Variants in RAB11FIP4 observed in about 807,000 individuals in gnomAD.
RAB11FIP4 encodes rab11 family-interacting protein 4.
Under a neutral mutation model 74.3 loss-of-function variants are expected in RAB11FIP4, and 23 were observed. The ratio of observed to expected loss-of-function variants is 0.31; its 90% CI spans 0.22 to 0.44. The LOEUF (loss-of-function observed/expected upper bound fraction) is 0.44, where lower values mean the gene tolerates loss of function less well. Among genes scored for constraint, RAB11FIP4 ranks in the 20% least tolerant of loss-of-function variants. The pLI, the probability that RAB11FIP4 is intolerant of heterozygous loss-of-function variation, is 1.00. For missense variants in RAB11FIP4, 630 were observed against 863.9 expected (o/e 0.73, Z 3.39); for synonymous variants, 360 against 359.9 (o/e 1.00, Z 0.00).
chr17:31,485,733 T>C (rs2071894264), intron 3 of RAB11FIP4, among the ~76,000 whole-genome samples: 1 of 152,088 alleles, frequency 6.6e-6, no homozygotes, highest in Non-Finnish European at 1.5e-5. Flanking sequence ...GAGGAGTGCC[T>C]AAAATTAAGT....
intron 3 of RAB11FIP4, among the ~76,000 whole-genome samples, chr17:31,461,252 G>C (rs1434185026): frequency 6.6e-6 from 1 of 152,032 alleles, no homozygotes; most frequent in African/African-American, 2.4e-5. Context: ...CACAAGCCTG[G>C]GCCTGGCCTT....
chr17:31,520,749 G>A (rs1387114070), intron 4 of RAB11FIP4, among the ~76,000 whole-genome samples: 1 of 152,096 alleles, frequency 6.6e-6, no homozygotes, highest in East Asian at 1.9e-4. Flanking sequence ...CCTCTGATCC[G>A]CCCGCCTCGG....
chr17:31,523,226 A>T, intron 7 of RAB11FIP4: 1 of 462,842 alleles, frequency 2.2e-6, no homozygotes, highest in African/African-American at 2.0e-5. Context: ...GGGTAGCTGC[A>T]GGCCAGCATG....
At chr17:31,407,083 G>A (rs937084248) in intron 1 of RAB11FIP4, among the ~76,000 whole-genome samples, 5 of 116,840 alleles carry the variant, frequency 4.3e-5, no homozygotes, top group Non-Finnish European at 4.9e-5. Flanking sequence ...ACAAGGCTTC[G>A]CTCAGTCACC....
chr17:31,517,548 A>G (rs2072580381), intron 3 of RAB11FIP4, 103 bp from the exon 4 acceptor site: 3 of 1,103,082 alleles, frequency 2.7e-6, no homozygotes, highest in South Asian at 2.8e-5. Flanking sequence ...CCTGTACCCA[A>G]TCCCTGCTGT....
intron 3 of RAB11FIP4, among the ~76,000 whole-genome samples, chr17:31,474,530 G>A (rs1245583808): frequency 6.6e-6 from 1 of 152,108 alleles, no homozygotes; most frequent in African/African-American, 2.4e-5. Context: ...AGTTAGCCAG[G>A]TGTGGTGGTG....
At position 31,523,198 on chromosome 17, in the gene RAB11FIP4, G is replaced by A. The variant is rs919416229; in HGVS notation, c.930-314G>A. Reference sequence around the variant, plus strand: ...CCCACTGGAAGAGGAGGGGGCTCACGTGCCAGCTGAGGTCACTGGGTAGCT... The same window carrying A: ...CCCACTGGAAGAGGAGGGGGCTCACATGCCAGCTGAGGTCACTGGGTAGCT... On this transcript the variant is annotated intron_variant, in intron 7 of 14. Transcript: ENST00000621161. 7.0e-5 allele frequency: 28 copies of A among 397,804 alleles called. No homozygotes were observed. In the East Asian group the frequency reaches 1.2e-3, roughly 17 times the overall value. The allele number at this position is 397,804 out of a possible 1,614,324, so 24.6% of individuals were successfully genotyped here.
chr17:31,485,067 G>A (rs963451913), intron 3 of RAB11FIP4, among the ~76,000 whole-genome samples: 25 of 152,136 alleles, frequency 1.6e-4, no homozygotes, highest in African/African-American at 6.0e-4. Context: ...CATTTATTGA[G>A]CACCTGCAGC....
intron 3 of RAB11FIP4, among the ~76,000 whole-genome samples, chr17:31,450,612 C>T (rs189650078): frequency 6.6e-6 from 1 of 152,090 alleles, no homozygotes; most frequent in East Asian, 1.9e-4. Flanking sequence ...TGCCCGCCCT[C>T]CTCCTGGGTC....
intron 6 of RAB11FIP4, 26 bp from the exon 7 acceptor site, chr17:31,522,334 A>C: frequency 6.2e-7 from 1 of 1,612,842 alleles, no homozygotes; most frequent in Admixed American, 1.7e-5. Context: ...CCCTCTGTTC[A>C]ATGACTGTTT....
At position 31,529,111 on chromosome 17, in the gene RAB11FIP4, T is replaced by C. The variant is rs556243951; in HGVS notation, c.1653+333T>C. Among the ~76,000 whole-genome samples the C allele has an allele frequency of 7.9e-4, 119 of 150,318 alleles. 2 individuals carry two copies. In the South Asian group the frequency reaches 0.011, roughly 13 times the overall value. On this transcript the variant is annotated intron_variant, in intron 13 of 14. Coordinates refer to ENST00000621161, the MANE Select transcript of RAB11FIP4 (RefSeq NM_032932.6). Reference sequence around the variant, plus strand: ...CAAGGTTCCTTTTTTTTTTTTTTTTTCCCAAGAGACAGGGTCTTGCTCTGA... The same window carrying C: ...CAAGGTTCCTTTTTTTTTTTTTTTTCCCCAAGAGACAGGGTCTTGCTCTGA...
intron 3 of RAB11FIP4, among the ~76,000 whole-genome samples, chr17:31,507,129 A>G (rs1249990631): frequency 6.6e-6 from 1 of 152,178 alleles, no homozygotes; most frequent in Non-Finnish European, 1.5e-5. Flanking sequence ...GATACAAAAA[A>G]TTAGCCAGGC....
At chr17:31,471,588 C>T (rs963797764) in intron 3 of RAB11FIP4, among the ~76,000 whole-genome samples, 3 of 152,172 alleles carry the variant, frequency 2.0e-5, no homozygotes, top group East Asian at 1.9e-4. Flanking sequence ...TGGGAAGTGG[C>T]GGAGCCCAGC....
At chr17:31,443,180 C>T (rs1260503192) in intron 3 of RAB11FIP4, among the ~76,000 whole-genome samples, 1 of 152,096 alleles carries the variant, frequency 6.6e-6, no homozygotes, top group Admixed American at 6.6e-5. Context: ...ATTTTTTGGT[C>T]ACTAAGAGGG....
At chr17:31,455,668 G>T (rs2071572730) in intron 3 of RAB11FIP4, among the ~76,000 whole-genome samples, 1 of 140,440 alleles carries the variant, frequency 7.1e-6, no homozygotes, top group Admixed American at 7.2e-5. Context: ...GTTGATAATT[G>T]GTTGACTTTA....
In RAB11FIP4 at chr17:31,413,816, G is replaced by A. The variant is rs529002711; in HGVS notation, c.160-17997G>A. Among the ~76,000 whole-genome samples, 3 of 152,272 alleles carry A rather than the reference G, an allele frequency of 2.0e-5. No homozygotes were observed. The South Asian group carries it at 6.2e-4, about 32-fold the overall frequency. On this transcript the variant is annotated intron_variant, in intron 1 of 14. Transcript: ENST00000621161. The stretch of plus-strand genomic sequence containing the variant: ...CTTATCTTCCCCTACAGTGCTATCA[G>A]CAGTTTTTCAAAAGAGTCATAAGAG...
At chr17:31,462,989 C>T (rs1360147634) in intron 3 of RAB11FIP4, among the ~76,000 whole-genome samples, 1 of 152,190 alleles carries the variant, frequency 6.6e-6, no homozygotes, top group Non-Finnish European at 1.5e-5. Context: ...CAGCTTCAGT[C>T]CTCAAACAAA....
chr17:31,530,165 G>A (rs2072841874), intron 13 of RAB11FIP4, among the ~76,000 whole-genome samples, 161 bp from the exon 14 acceptor site: 1 of 152,220 alleles, frequency 6.6e-6, no homozygotes, highest in Non-Finnish European at 1.5e-5. Flanking sequence ...CCCAGCGCTT[G>A]GCAAAGGCTG....
chr17:31,520,321 C>G (rs956710616), intron 4 of RAB11FIP4, among the ~76,000 whole-genome samples: 9 of 151,964 alleles, frequency 5.9e-5, no homozygotes, highest in African/African-American at 2.2e-4. Flanking sequence ...CTCTTGGATG[C>G]CAAGGGATGA....
Sources: allele counts gnomAD v4.1 joint callset (sites outside exome capture counted in the v4.1 genomes callset), GRCh38; gene constraint gnomAD v4.1.1; transcripts MANE v1.5; gene names NCBI Gene and HGNC (gene_info 2026-07-23, HGNC 2026-07-21).